The following SCFD2 variants were observed in gnomAD, a reference collection of about 807,000 sequenced individuals.
SCFD2 encodes sec1 family domain-containing protein 2.
Under a neutral mutation model 58.9 loss-of-function variants are expected in SCFD2, and 54 were observed. The observed-to-expected ratio is 0.92, with a 90% CI of 0.74 to 1.15. SCFD2 has a LOEUF of 1.15. Among genes scored for constraint, SCFD2 ranks in the 50% most tolerant of loss-of-function variants. The pLI is 0.00. For missense variants in SCFD2, 805 were observed against 836.6 expected (o/e 0.96, Z 0.47); for synonymous variants, 321 against 335.9 (o/e 0.96, Z 0.49).
At chr4:53,096,812 T>C (rs1724651771) in intron 5 of SCFD2, among the ~76,000 whole-genome samples, 1 of 152,238 alleles carries the variant, frequency 6.6e-6, no homozygotes, top group Non-Finnish European at 1.5e-5. Flanking sequence ...TGAATGGTAC[T>C]GCCTAGGTTT....
At chr4:53,197,422 G>T (rs540968832) in intron 4 of SCFD2, among the ~76,000 whole-genome samples, 2 of 152,024 alleles carry the variant, frequency 1.3e-5, no homozygotes, top group South Asian at 4.2e-4. Context: ...AGGACTCCAG[G>T]TCAGCCCAAA....
chr4:52,996,368 T>G (rs938022166), intron 5 of SCFD2, among the ~76,000 whole-genome samples: 1 of 152,258 alleles, frequency 6.6e-6, no homozygotes, highest in Non-Finnish European at 1.5e-5. Context: ...TGACCGTCAC[T>G]GGAGCCTCCA....
At chr4:53,268,761 A>G (rs1469942062) in intron 4 of SCFD2, among the ~76,000 whole-genome samples, 1 of 152,118 alleles carries the variant, frequency 6.6e-6, no homozygotes, top group African/African-American at 2.4e-5. Context: ...AGGTTTCCAC[A>G]AGGGTGCCTC....
Position 53,365,896 on chromosome 4 carries a change from G to A in SCFD2, c.46C>T (p.Gln16Ter), listed in dbSNP as rs756019767. 17 of 1,597,172 alleles carry A rather than the reference G, an allele frequency of 1.1e-5. 1 individual carries two copies. In the Middle Eastern group the frequency reaches 1.8e-3, roughly 172 times the overall value. Residue 16 changes from glutamine (Q) to a stop codon, truncating the protein, a stop_gained, in exon 1 of 9, where the codon CAG (glutamine) becomes TAG (stop). Transcript: ENST00000401642. LOFTEE classifies it high-confidence loss of function. This position sits in a 1 kb window ranked among gnomAD's most constrained non-coding sequence, Gnocchi z 4.3. ...VLSFTQQGWE[Q>*]VLAKVKRAVV... ...GCCCGTTTCACTTTGGCCAGCACCT[G>A]CTCCCATCCTTGCTGGGTAAAGGAC...
intron 8 of SCFD2, among the ~76,000 whole-genome samples, chr4:52,884,553 T>C (rs1408784540): frequency 6.6e-6 from 1 of 152,154 alleles, no homozygotes; most frequent in Non-Finnish European, 1.5e-5. Context: ...TTTGTGGCTT[T>C]TCTTCTTCAC....
rs373260514 is a variant in SCFD2, at chr4:53,356,782, C to G, written c.839-4016G>C. Among the ~76,000 whole-genome samples, 39 of 145,500 alleles carry G rather than the reference C, an allele frequency of 2.7e-4. 1 individual carries two copies. In the East Asian group the frequency reaches 3.2e-3, roughly 12 times the overall value. ...GACATAGTCTTGCTCTGTCACCCAG[C>G]CTGGAGTGCAGTGGCGCGATCTCGG... On this transcript the variant is annotated intron_variant, in intron 1 of 8. Coordinates refer to ENST00000401642, the MANE Select transcript of SCFD2 (RefSeq NM_152540.4).
intron 5 of SCFD2, among the ~76,000 whole-genome samples, chr4:53,089,393 T>C (rs1009875821): frequency 6.6e-6 from 1 of 152,146 alleles, no homozygotes; most frequent in Non-Finnish European, 1.5e-5. Flanking sequence ...TTTGATGAAG[T>C]CCAATTGTGC....
intron 4 of SCFD2, among the ~76,000 whole-genome samples, chr4:53,204,985 G>T (rs1560384028): frequency 6.6e-6 from 1 of 151,866 alleles, no homozygotes; most frequent in African/African-American, 2.4e-5. Flanking sequence ...TAACATACAG[G>T]CATTTTCAGC....
intron 4 of SCFD2, among the ~76,000 whole-genome samples, chr4:53,206,076 T>C (rs775549059): frequency 3.9e-5 from 6 of 152,168 alleles, no homozygotes; most frequent in Non-Finnish European, 8.8e-5. Flanking sequence ...ACTTGGTATA[T>C]TAGCTGTGAG....
chr4:53,045,264 T>C (rs1170524708), intron 5 of SCFD2, among the ~76,000 whole-genome samples: 1 of 152,208 alleles, frequency 6.6e-6, no homozygotes, highest in East Asian at 1.9e-4. Flanking sequence ...TCATTTATTA[T>C]TTGTTTTATA....
At chr4:53,288,838 T>C (rs1046557036) in intron 3 of SCFD2, among the ~76,000 whole-genome samples, 12 of 152,194 alleles carry the variant, frequency 7.9e-5, no homozygotes, top group African/African-American at 2.9e-4. Flanking sequence ...AGGTAAATAA[T>C]TCAAATTCAG....
chr4:53,069,813 T>C (rs1170026981), intron 5 of SCFD2, among the ~76,000 whole-genome samples: 4 of 152,074 alleles, frequency 2.6e-5, no homozygotes, highest in Non-Finnish European at 4.4e-5. Flanking sequence ...TTGTTAGAGA[T>C]TGTTTTCTCC....
intron 4 of SCFD2, among the ~76,000 whole-genome samples, chr4:53,257,911 A>T (rs1404611559): frequency 6.6e-6 from 1 of 152,198 alleles, no homozygotes; most frequent in African/African-American, 2.4e-5. Flanking sequence ...AGCAAAAAAG[A>T]TACAAAACAG....
intron 2 of SCFD2, among the ~76,000 whole-genome samples, chr4:53,325,342 A>G (rs2149124045): frequency 6.6e-6 from 1 of 152,318 alleles, no homozygotes; most frequent in Admixed American, 6.5e-5. Flanking sequence ...CTTGAGAGCC[A>G]TGACCCACCA....
intron 5 of SCFD2, among the ~76,000 whole-genome samples, chr4:53,007,339 A>AGAGAGG (rs1721996435): frequency 7.8e-6 from 1 of 128,004 alleles, no homozygotes; most frequent in African/African-American, 3.0e-5. Flanking sequence ...AGAGAGGGAG[A>AGAGAGG]GAGAGAGAGA....
At chr4:53,080,023 G>C (rs1577710667) in intron 5 of SCFD2, among the ~76,000 whole-genome samples, 1 of 152,190 alleles carries the variant, frequency 6.6e-6, no homozygotes, top group East Asian at 1.9e-4. Flanking sequence ...ATAGACAGAT[G>C]GTAAGAATTT....
chr4:53,366,041 C>CGTGTACTGTGG lies in SCFD2; in HGVS notation c.-101_-100insCCACAGTACAC. 7.3e-7 allele frequency: 1 copy of CGTGTACTGTGG among 1,376,546 alleles called. No individual in the cohort carries two copies. The highest frequency in any genetic ancestry group is 9.8e-7 in the Non-Finnish European group (1 of 1,023,290). 85.3% of individuals were successfully genotyped at this position (1,376,546 alleles called of 1,614,324 possible). A position where few individuals can be genotyped will look rare whatever the true frequency, so the allele number is the denominator to read the frequency against. On this transcript the variant is annotated 5_prime_UTR_variant, in exon 1 of 9. Transcript: ENST00000401642. The stretch of plus-strand genomic sequence containing the variant: ...CTCCGGGAGACTTTGACAGTCTCCA[C>CGTGTACTGTGG]AGTACACGTGGTCGGCCTCTGACAC...
chr4:52,914,782 T>C (rs1719564406), intron 6 of SCFD2, among the ~76,000 whole-genome samples: 1 of 152,186 alleles, frequency 6.6e-6, no homozygotes, highest in South Asian at 2.1e-4. Flanking sequence ...AATTGTACCA[T>C]ATGCTTTTTA....
chr4:53,250,055 C>A (rs1033307012), intron 4 of SCFD2, among the ~76,000 whole-genome samples: 1 of 152,062 alleles, frequency 6.6e-6, no homozygotes, highest in Non-Finnish European at 1.5e-5. Context: ...TCAGGAAACC[C>A]ATCTCACATG....
Sources: gnomAD v4.1 joint callset for allele counts (sites outside exome capture counted in the v4.1 genomes callset) on GRCh38, gnomAD v4.1.1 for gene constraint, Gnocchi (gnomAD v3.1) non-coding constraint, MANE v1.5 for transcripts, NCBI Gene and HGNC (gene_info 2026-07-23, HGNC 2026-07-21) for gene names.